The following TFDP1 variants were observed in gnomAD, a reference collection of about 807,000 sequenced individuals.
The protein encoded by TFDP1 is transcription factor Dp-1, also known as DRTF1-polypeptide 1.
TFDP1 carries 6 observed loss-of-function variants against 48.0 expected under a neutral mutation model. The ratio of observed to expected loss-of-function variants is 0.13; its 90% CI spans 0.07 to 0.25. The LOEUF is 0.25. TFDP1 is among the 10% of genes least tolerant of loss of function. TFDP1 has a pLI of 1.00. For missense variants in TFDP1, 335 were observed against 543.0 expected (o/e 0.62, Z 3.81); for synonymous variants, 201 against 211.6 (o/e 0.95, Z 0.44).
chr13:113,595,201 T>C (rs2048256818), intron 2 of TFDP1, among the ~76,000 whole-genome samples: 1 of 152,228 alleles, frequency 6.6e-6, no homozygotes, highest in African/African-American at 2.4e-5. Context: ...AAACACTTCA[T>C]TTTACATTCA....
intron 5 of TFDP1, chr13:113,632,037 C>T (rs1329418796): frequency 2.4e-6 from 1 of 408,558 alleles, no homozygotes; most frequent in Non-Finnish European, 4.4e-6. Flanking sequence ...GAGAAGCTGG[C>T]CTCGTACTCG....
At chr13:113,597,340 G>A (rs1314907673) in intron 2 of TFDP1, among the ~76,000 whole-genome samples, 1 of 152,194 alleles carries the variant, frequency 6.6e-6, no homozygotes, top group Non-Finnish European at 1.5e-5. Context: ...CGGTATACTC[G>A]GGCGAGGGCT....
intron 2 of TFDP1, among the ~76,000 whole-genome samples, chr13:113,586,543 T>C (rs1252456785): frequency 6.6e-6 from 1 of 152,246 alleles, no homozygotes; most frequent in Non-Finnish European, 1.5e-5. Flanking sequence ...GATTCTTTAG[T>C]GTTTCCCACC....
intron 3 of TFDP1, among the ~76,000 whole-genome samples, chr13:113,622,482 G>GT (rs564881491): frequency 2.8e-4 from 43 of 152,320 alleles, no homozygotes; most frequent in Non-Finnish European, 5.6e-4. Context: ...CTACCACCTG[G>GT]TTTACGGTTT....
intron 4 of TFDP1, among the ~76,000 whole-genome samples, chr13:113,625,328 C>CGTCTCTCACGTGTCCTCAGGT (rs2049118766): frequency 3.3e-5 from 2 of 61,142 alleles, no homozygotes; most frequent in African/African-American, 1.8e-4. Context: ...GTTTCTCAGG[C>CGTCTCTCACGTGTCCTCAGGT]GTCTCTCACG....
chr13:113,628,076 T>C (rs1211028841), intron 4 of TFDP1, among the ~76,000 whole-genome samples: 1 of 152,066 alleles, frequency 6.6e-6, no homozygotes, highest in Admixed American at 6.5e-5. Context: ...CGAAAGACTG[T>C]GTCTGAAGCC....
intron 2 of TFDP1, among the ~76,000 whole-genome samples, chr13:113,606,043 C>T (rs1184955765): frequency 1.7e-4 from 24 of 138,910 alleles, no homozygotes; most frequent in African/African-American, 6.0e-4. Context: ...GATGAGTGTC[C>T]GCAGGGGATC....
At chr13:113,634,198 CAG>C (rs1391945621) in intron 7 of TFDP1, 165 bp downstream of exon 7, 5 of 988,148 alleles carry the variant, frequency 5.1e-6, no homozygotes, top group African/African-American at 3.2e-5. Context: ...TCTTGGCTGT[CAG>C]GGGAGGGAGC....
intron 3 of TFDP1, among the ~76,000 whole-genome samples, chr13:113,618,172 C>T (rs796158736): frequency 3.0e-4 from 45 of 152,316 alleles, no homozygotes; most frequent in African/African-American, 1.1e-3. Context: ...GATTGTGTGG[C>T]AGTCTTATCA....
chr13:113,621,684 A>G (rs1474375347), intron 3 of TFDP1, among the ~76,000 whole-genome samples: 1 of 152,228 alleles, frequency 6.6e-6, no homozygotes, highest in Non-Finnish European at 1.5e-5. Flanking sequence ...TCCTTGGTCT[A>G]GCGGTAACGC....
Position 113,635,998 on chromosome 13 carries a change from G to A in TFDP1, c.709G>A (p.Val237Met). 6.2e-7 allele frequency: 1 copy of A among 1,614,014 alleles called. No homozygotes were observed. The highest frequency in any genetic ancestry group is 2.2e-5 in the East Asian group (1 of 44,864). Reference sequence around the variant, plus strand: ...TTAGCAAATTGCCTTCAAGAACCTGGTGCAGAGAAACCGGCATGCGGAGCA... The same window carrying A: ...TTAGCAAATTGCCTTCAAGAACCTGATGCAGAGAAACCGGCATGCGGAGCA... ...ILQQIAFKNL[V>M]QRNRHAEQQA... The change falls in exon 9 of 12, where the codon GTG (valine) becomes ATG (methionine). Residue 237 changes from valine (V) to methionine (M), a missense_variant. This residue lies in a region of TFDP1 where 204 missense variants were observed against 287.1 expected (regional missense o/e 0.71). Coordinates refer to ENST00000375370, the MANE Select transcript of TFDP1 (RefSeq NM_007111.5).
intron 2 of TFDP1, among the ~76,000 whole-genome samples, chr13:113,587,232 C>A (rs992685490): frequency 1.4e-4 from 22 of 151,978 alleles, no homozygotes; most frequent in African/African-American, 5.3e-4. Context: ...TCTGCAGGAC[C>A]CTGAATGCTC....
chr13:113,591,301 A>C (rs1444769879), intron 2 of TFDP1, among the ~76,000 whole-genome samples: 2 of 151,268 alleles, frequency 1.3e-5, no homozygotes, highest in Admixed American at 1.3e-4. Flanking sequence ...AGATCACGCC[A>C]TTGCACTCCA....
chr13:113,589,089 A>G (rs1254358233), intron 2 of TFDP1, among the ~76,000 whole-genome samples: 1 of 152,070 alleles, frequency 6.6e-6, no homozygotes. Flanking sequence ...GAAGGAGGAA[A>G]CAGCCTAGAA....
chr13:113,616,102 C>G (rs1201585041), intron 3 of TFDP1, among the ~76,000 whole-genome samples: 1 of 151,536 alleles, frequency 6.6e-6, no homozygotes, highest in Non-Finnish European at 1.5e-5. Context: ...ACTCAGGAGG[C>G]TGAGGCAGGA....
At chr13:113,638,273 G>A (rs1454476705) in intron 11 of TFDP1, among the ~76,000 whole-genome samples, 5 of 152,086 alleles carry the variant, frequency 3.3e-5, no homozygotes, top group Non-Finnish European at 1.5e-5. Context: ...TTTTCAGAAC[G>A]CGTCTGCGGT....
intron 5 of TFDP1, among the ~76,000 whole-genome samples, chr13:113,632,867 G>A (rs532456769): frequency 3.9e-5 from 6 of 152,356 alleles, no homozygotes; most frequent in Admixed American, 2.6e-4. Flanking sequence ...GACGCCTCCC[G>A]TTTTCCCTGA....
At chr13:113,617,563 TTCACCTGCAGAGCCGC>T (rs1174160549) in intron 3 of TFDP1, among the ~76,000 whole-genome samples, 1 of 121,580 alleles carries the variant, frequency 8.2e-6, no homozygotes, top group Non-Finnish European at 1.6e-5. Flanking sequence ...TGCAGAACCC[TTCACCTGCAGAGCCGC>T]TCACCTGCAG....
chr13:113,625,114 G>T (rs567386947), intron 4 of TFDP1, among the ~76,000 whole-genome samples: 32 of 130,306 alleles, frequency 2.5e-4, no homozygotes, highest in Admixed American at 1.2e-3. Flanking sequence ...TGTCTCTCAC[G>T]TGTCCTCAGG....
Sources: allele counts gnomAD v4.1 joint callset (sites outside exome capture counted in the v4.1 genomes callset), GRCh38; gene constraint gnomAD v4.1.1; regional missense constraint gnomAD v4.1.1; transcripts MANE v1.5; gene names NCBI Gene and HGNC (gene_info 2026-07-23, HGNC 2026-07-21).